DDR2: variants seen among roughly 807,000 people sequenced by gnomAD.
DDR2 encodes the protein discoidin domain receptor tyrosine kinase 2.
Under a neutral mutation model 94.9 loss-of-function variants are expected in DDR2, and 27 were observed. The observed-to-expected ratio is 0.28, with a 90% CI of 0.21 to 0.39. The LOEUF (loss-of-function observed/expected upper bound fraction) is 0.39, where lower values mean the gene tolerates loss of function less well. DDR2 is among the 10% of genes least tolerant of loss of function. The probability of loss-of-function intolerance (pLI) is 1.00; values close to 1 mark genes in which losing one functional copy is unlikely to be tolerated. For synonymous variants in DDR2, 382 were observed against 377.2 expected (o/e 1.01, Z -0.15); for missense variants, 783 against 1,076.0 (o/e 0.73, Z 3.81).
At chr1:162,746,011 G>T (rs561132270) in intron 3 of DDR2, among the ~76,000 whole-genome samples, 18 of 152,206 alleles carry the variant, frequency 1.2e-4, no homozygotes, top group African/African-American at 4.3e-4. Flanking sequence ...CTTTTTGTTA[G>T]ATGGCTGAAT....
chr1:162,729,300 A>ATATATATT (rs1416872679), intron 3 of DDR2, among the ~76,000 whole-genome samples: 1 of 94,002 alleles, frequency 1.1e-5, no homozygotes, highest in African/African-American at 5.3e-5. Flanking sequence ...ATATATATAT[A>ATATATATT]TTTTTTTTTT....
At chr1:162,734,877 A>G (rs181499336) in intron 3 of DDR2, among the ~76,000 whole-genome samples, 170 of 152,286 alleles carry the variant, frequency 1.1e-3, no homozygotes, top group Admixed American at 2.5e-3. Flanking sequence ...ATGACAGAAT[A>G]AAGTTTTAGG....
chr1:162,686,879 A>G (rs1388813574), intron 2 of DDR2, among the ~76,000 whole-genome samples: 1 of 152,190 alleles, frequency 6.6e-6, no homozygotes, highest in Non-Finnish European at 1.5e-5. Context: ...CGCCTGGCCT[A>G]TCATTCTTGT....
At chr1:162,697,460 A>G (rs953340275) in intron 2 of DDR2, among the ~76,000 whole-genome samples, 8 of 152,214 alleles carry the variant, frequency 5.3e-5, no homozygotes, top group African/African-American at 1.7e-4. Flanking sequence ...CCAATATGAG[A>G]TCGAACCTGA....
intron 3 of DDR2, among the ~76,000 whole-genome samples, chr1:162,732,499 C>T (rs1407093086): frequency 2.0e-5 from 3 of 152,224 alleles, no homozygotes; most frequent in Non-Finnish European, 4.4e-5. Flanking sequence ...TCTGTGTGAA[C>T]TTGAGTAAGT....
At chr1:162,721,307 T>C (rs1477253111) in intron 3 of DDR2, among the ~76,000 whole-genome samples, 2 of 152,210 alleles carry the variant, frequency 1.3e-5, no homozygotes, top group Admixed American at 6.5e-5. Flanking sequence ...ATAGTCATCT[T>C]AATTTTTTTT....
At chr1:162,769,706 T>G (rs1463784363) in intron 11 of DDR2, among the ~76,000 whole-genome samples, 2 of 152,254 alleles carry the variant, frequency 1.3e-5, no homozygotes, top group Non-Finnish European at 2.9e-5. Context: ...GTTGCTTTGT[T>G]GTTCTCCCTC....
intron 1 of DDR2, among the ~76,000 whole-genome samples, chr1:162,651,928 G>A (rs370962360): frequency 3.9e-4 from 60 of 152,280 alleles, no homozygotes; most frequent in Middle Eastern, 3.4e-3. Context: ...ATCAGCCTAC[G>A]GTTAAGGATA....
At chr1:162,657,692 T>C (rs767379392) in intron 2 of DDR2, among the ~76,000 whole-genome samples, 3 of 152,122 alleles carry the variant, frequency 2.0e-5, no homozygotes, top group Non-Finnish European at 4.4e-5. Flanking sequence ...CCCTAGTGGA[T>C]GTTAGAGTTC....
chr1:162,686,412 C>T (rs116768125), intron 2 of DDR2, among the ~76,000 whole-genome samples: 7,267 of 152,234 alleles, frequency 0.048, 216 homozygotes, highest in South Asian at 0.084. Context: ...ATCCCACTCC[C>T]TGTGTCCATG....
At position 162,679,850 on chromosome 1, in the gene DDR2, T is replaced by G. The variant is rs185945403; in HGVS notation, c.-28+24476T>G. ...TTCTGATGAGTATGAGATGGTATCT[T>G]ATTATGGTTTTGATTTGCAGTGCTC... On this transcript the variant is annotated intron_variant, in intron 2 of 17. Transcript: ENST00000367921. 9.9e-5 allele frequency among the ~76,000 whole-genome samples: 15 copies of G among 152,274 alleles called. No individual in the cohort carries two copies. In the East Asian group the frequency reaches 2.9e-3, roughly 29 times the overall value.
intron 3 of DDR2, among the ~76,000 whole-genome samples, chr1:162,721,465 C>A (rs1661419663): frequency 6.6e-6 from 1 of 152,182 alleles, no homozygotes; most frequent in African/African-American, 2.4e-5. Flanking sequence ...TTTACCAAGT[C>A]AAACCAGAGA....
At chr1:162,776,446 C>T (rs1647557465) in intron 16 of DDR2, 76 bp downstream of exon 16, 1 of 1,422,670 alleles carries the variant, frequency 7.0e-7, no homozygotes, top group South Asian at 1.2e-5. Context: ...GGAGACAAAC[C>T]TGAGACAGCA....
chr1:162,682,928 T>C (rs532957600), intron 2 of DDR2, among the ~76,000 whole-genome samples: 1 of 152,280 alleles, frequency 6.6e-6, no homozygotes, highest in African/African-American at 2.4e-5. Flanking sequence ...GAAAGCTATA[T>C]TATATAAACA....
intron 2 of DDR2, among the ~76,000 whole-genome samples, chr1:162,660,000 G>T (rs1341667703): frequency 2.3e-5 from 1 of 44,376 alleles, no homozygotes; most frequent in South Asian, 7.8e-4. Context: ...TGGGCTGCAG[G>T]AACAACGTTA....
chr1:162,697,823 C>T (rs978776807), intron 2 of DDR2, among the ~76,000 whole-genome samples: 2 of 152,190 alleles, frequency 1.3e-5, no homozygotes, highest in African/African-American at 4.8e-5. Context: ...AAGGAACTTG[C>T]TTAAACTCAC....
chr1:162,667,316 C>T (rs1020234792), intron 2 of DDR2, among the ~76,000 whole-genome samples: 1 of 152,174 alleles, frequency 6.6e-6, no homozygotes, highest in African/African-American at 2.4e-5. Flanking sequence ...AATTGTTATT[C>T]TGTGTTACAG....
At chr1:162,760,358 T>TTG (rs113653768) in intron 8 of DDR2, among the ~76,000 whole-genome samples, 113,678 of 142,962 alleles carry the variant, frequency 0.8, 46,458 homozygotes, top group Non-Finnish European at 0.9. Flanking sequence ...ACCAGCACAG[T>TTG]TGTGTGTGTG....
rs1553250264 is a variant in DDR2 at position 162,741,209 on chromosome 1, CAATATAATAT to C, written c.83-11859_83-11850del. 2.4e-3 allele frequency among the ~76,000 whole-genome samples: 164 copies of C among 69,530 alleles called. 1 individual carries two copies. The highest frequency in any genetic ancestry group is 6.7e-3 in the African/African-American group (154 of 22,952). The allele number at this position is 69,530 out of a possible 152,430, so 45.6% of individuals were successfully genotyped here. On this transcript the variant is annotated intron_variant, in intron 3 of 17. Transcript: ENST00000367921. ...TAACATAACATAATACAATACAATA[CAATATAATAT>C]AATATAATATAATATAATATAATAT...
Sources: allele counts gnomAD v4.1 joint callset (sites outside exome capture counted in the v4.1 genomes callset), GRCh38; gene constraint gnomAD v4.1.1; transcripts MANE v1.5; gene names NCBI Gene and HGNC (gene_info 2026-07-23, HGNC 2026-07-21).